NAA25: variants seen among roughly 807,000 people sequenced by gnomAD.
The protein encoded by NAA25 is N-alpha-acetyltransferase 25, NatB auxiliary subunit.
A neutral mutation model predicts 132.5 loss-of-function variants in NAA25; 30 were observed. The observed-to-expected ratio is 0.23, with a 90% CI of 0.17 to 0.31. The LOEUF is 0.31. Ranked by LOEUF, NAA25 falls within the 10% of genes least tolerant of loss-of-function variation. The probability of loss-of-function intolerance (pLI) is 1.00; values close to 1 mark genes in which losing one functional copy is unlikely to be tolerated. For missense variants in NAA25, 771 were observed against 1,150.4 expected (o/e 0.67, Z 4.77); for synonymous variants, 359 against 401.9 (o/e 0.89, Z 1.28).
At chr12:112,069,221 A>G (rs1593793072) in intron 10 of NAA25, 2 of 423,372 alleles carry the variant, frequency 4.7e-6, no homozygotes, top group East Asian at 9.2e-5. Flanking sequence ...AAGATAAAAA[A>G]ATAGGCTGGA....
chr12:112,087,597 A>G, intron 4 of NAA25, 86 bp downstream of exon 4: 2 of 865,512 alleles, frequency 2.3e-6, no homozygotes, highest in Non-Finnish European at 3.8e-6. Flanking sequence ...ACACACACAC[A>G]TACCCAGTGC....
intron 23 of NAA25, among the ~76,000 whole-genome samples, chr12:112,033,003 A>C (rs985321513): frequency 6.6e-6 from 1 of 152,250 alleles, no homozygotes; most frequent in Non-Finnish European, 1.5e-5. Context: ...GTAAAAGAAC[A>C]ACCCCAAAAA....
chr12:112,054,757 G>A (rs2078518943), intron 13 of NAA25, among the ~76,000 whole-genome samples, 189 bp from the exon 14 acceptor site: 1 of 152,148 alleles, frequency 6.6e-6, no homozygotes, highest in African/African-American at 2.4e-5. Flanking sequence ...TCCTTCAATA[G>A]TTAAGTCTAT....
chr12:112,087,835 T>G (rs367947645), intron 3 of NAA25, 34 bp from the exon 4 acceptor site: 4 of 1,335,290 alleles, frequency 3.0e-6, no homozygotes, highest in Admixed American at 3.4e-5. Context: ...TAAGTTATAC[T>G]TCAAGAACAT....
chr12:112,045,450 G>A (rs111732932), intron 17 of NAA25, among the ~76,000 whole-genome samples: 6,184 of 147,018 alleles, frequency 0.042, 278 homozygotes, highest in African/African-American at 0.11. Flanking sequence ...TTGCGCCACC[G>A]CACTCCAGCC....
At chr12:112,048,000 A>G (rs1327494398) in intron 16 of NAA25, among the ~76,000 whole-genome samples, 1 of 152,220 alleles carries the variant, frequency 6.6e-6, no homozygotes, top group South Asian at 2.1e-4. Context: ...GGGGATCAGC[A>G]TTAATTCCTG....
chr12:112,085,625 A>C (rs574544254), intron 4 of NAA25, among the ~76,000 whole-genome samples: 21 of 152,288 alleles, frequency 1.4e-4, no homozygotes, highest in African/African-American at 4.8e-4. Context: ...ATCCTTATGA[A>C]TGAATATTTA....
chr12:112,078,391 C>T (rs535960562), intron 6 of NAA25, 125 bp from the exon 7 acceptor site: 52 of 743,696 alleles, frequency 7.0e-5, no homozygotes, highest in East Asian at 1.1e-4. Context: ...ACTGACAGTA[C>T]GAAGCAGGTA....
In NAA25 at chr12:112,054,444, T is replaced by G. The variant is rs773685770; in HGVS notation, c.1572A>C (p.Pro524=). The change falls in exon 14 of 24, where the codon CCA becomes CCC. Residue 524 remains proline (P), a synonymous_variant. Coordinates refer to ENST00000261745, the MANE Select transcript of NAA25 (RefSeq NM_024953.4). The part of the protein sequence containing the change: ...RIYCMLGAFE[P]VVDLYSSLDA... ...CGAGGCTGGAGTAAAGATCCACCAC[T>G]GGTTCAAATGCACCCAGCATACAGT... 24 of 1,614,056 alleles carry G rather than the reference T, an allele frequency of 1.5e-5. No homozygotes were observed. Among genetic ancestry groups the G allele is most frequent in the Admixed American group, 1.0e-4 (6 of 59,992 alleles).
chr12:112,063,877 T>C (rs1168387180), intron 11 of NAA25: 1 of 152,166 alleles, frequency 6.6e-6, no homozygotes, highest in East Asian at 1.9e-4. Flanking sequence ...TGCGATACTA[T>C]TTGACTTTTT....
chr12:112,077,762 T>G (rs774784787), intron 7 of NAA25, among the ~76,000 whole-genome samples: 1 of 152,016 alleles, frequency 6.6e-6, no homozygotes, highest in Non-Finnish European at 1.5e-5. Context: ...AAATCCTGAC[T>G]AGAGGGGCAT....
rs1566004564 is a variant in NAA25, at chr12:112,049,628, C to T, written c.1729-1185G>A. 18 of 985,508 alleles carry T rather than the reference C, an allele frequency of 1.8e-5. No homozygotes were observed. Among genetic ancestry groups the T allele is most frequent in the Non-Finnish European group, 2.0e-5 (17 of 829,932 alleles). 61.0% of individuals were successfully genotyped at this position (985,508 alleles called of 1,614,324 possible). ...CTGCAGTATCTGGAGAAATTAAAGA[C>T]GGACGGACACAAGAAAATTAAAAAG... On this transcript the variant is annotated intron_variant, in intron 15 of 23. Transcript: ENST00000261745. The surrounding 1 kb of genome is among the most constrained non-coding windows in gnomAD (Gnocchi z 4.7).
At chr12:112,086,882 A>G (rs1049967497) in intron 4 of NAA25, among the ~76,000 whole-genome samples, 1 of 129,256 alleles carries the variant, frequency 7.7e-6, no homozygotes, top group African/African-American at 3.0e-5. Context: ...GTGGTGGCGC[A>G]AGCATGTAAT....
chr12:112,071,376 C>T lies in NAA25; in HGVS notation c.1036+519G>A, dbSNP rs2078805750. Among the ~76,000 whole-genome samples, 3 of 152,104 alleles carry T rather than the reference C, an allele frequency of 2.0e-5. 1 individual carries two copies. The Middle Eastern group carries it at 0.01, about 517-fold the overall frequency. On this transcript the variant is annotated intron_variant, in intron 10 of 23. Coordinates refer to ENST00000261745, the MANE Select transcript of NAA25 (RefSeq NM_024953.4). ...TGAGACAGGTTCTGGCTGTGTCGCT[C>T]AGGCTGGAGTGAAGGCACGATCTCA... is the stretch of plus-strand genomic sequence containing the variant.
chr12:112,051,879 A>T lies in NAA25; in HGVS notation c.1728+1679T>A, dbSNP rs79690775. 5.9e-3 allele frequency among the ~76,000 whole-genome samples: 899 copies of T among 152,352 alleles called. 11 individuals carry two copies. The highest frequency in any genetic ancestry group is 0.02 in the African/African-American group (847 of 41,588). On this transcript the variant is annotated intron_variant, in intron 15 of 23. Coordinates refer to ENST00000261745, the MANE Select transcript of NAA25 (RefSeq NM_024953.4). ...ATTTGTGGGAAAAAATTAAAGCCTA[A>T]TTCTGATGTATATAAAGTAATGTGT...
chr12:112,053,732 C>G, intron 14 of NAA25, 75 bp from the exon 15 acceptor site: 1 of 991,796 alleles, frequency 1.0e-6, no homozygotes, highest in Non-Finnish European at 1.5e-6. Flanking sequence ...AAATATTACG[C>G]TTCAAATTAC....
intron 10 of NAA25, among the ~76,000 whole-genome samples, chr12:112,071,297 A>G (rs2078804385): frequency 6.6e-6 from 1 of 152,256 alleles, no homozygotes; most frequent in African/African-American, 2.4e-5. Flanking sequence ...CTAGGATTAC[A>G]GGTGTGAGCC....
chr12:112,106,955 C>CAAA (rs11286456), intron 1 of NAA25, among the ~76,000 whole-genome samples: 10 of 25,832 alleles, frequency 3.9e-4, no homozygotes, highest in East Asian at 7.5e-4. Context: ...AGACTGTCTC[C>CAAA]AAAAAAAAAA....
chr12:112,068,067 C>T (rs2078745641), intron 11 of NAA25, among the ~76,000 whole-genome samples: 1 of 151,990 alleles, frequency 6.6e-6, no homozygotes, highest in Admixed American at 6.6e-5. Context: ...GAGACAGAGT[C>T]TCACTCTGTC....
Sources: allele counts gnomAD v4.1 joint callset (sites outside exome capture counted in the v4.1 genomes callset), GRCh38; gene constraint gnomAD v4.1.1; non-coding constraint Gnocchi (gnomAD v3.1); transcripts MANE v1.5; gene names NCBI Gene and HGNC (gene_info 2026-07-23, HGNC 2026-07-21).